KRCC1: variants seen among roughly 807,000 people sequenced by gnomAD.
KRCC1 encodes the protein lysine-rich coiled-coil protein 1.
Under a neutral mutation model 7.4 loss-of-function variants are expected in KRCC1, and 3 were observed. The observed-to-expected ratio is 0.40, with a 90% CI of 0.18 to 1.04. The LOEUF (loss-of-function observed/expected upper bound fraction) is 1.04, where lower values mean the gene tolerates loss of function less well. KRCC1 is among the 50% of genes least tolerant of loss of function. The probability of loss-of-function intolerance (pLI) is 0.33; values close to 1 mark genes in which losing one functional copy is unlikely to be tolerated. For missense variants in KRCC1, 277 were observed against 300.9 expected (o/e 0.92, Z 0.59); for synonymous variants, 102 against 101.6 (o/e 1.00, Z -0.02).
intron 1 of KRCC1, among the ~76,000 whole-genome samples, chr2:88,054,637 T>G (rs1173122456): frequency 6.6e-6 from 1 of 152,158 alleles, no homozygotes; most frequent in Non-Finnish European, 1.5e-5. Context: ...CTGACTCTAC[T>G]TGAGCCCTCT....
At chr2:88,048,811 G>A (rs1294930258) in intron 1 of KRCC1, among the ~76,000 whole-genome samples, 3 of 152,140 alleles carry the variant, frequency 2.0e-5, no homozygotes, top group South Asian at 2.1e-4. Context: ...TAAAGACCAC[G>A]CAGAGCACAG....
chr2:88,028,362 T>C lies in KRCC1; in HGVS notation c.202A>G (p.Ile68Val). The change falls in exon 4 of 4, where the codon ATC becomes GTC. Residue 68 changes from isoleucine (I) to valine (V), a missense_variant. By Grantham distance (29) the Ile-to-Val change is conservative (BLOSUM62 3). Coordinates refer to ENST00000347055, the MANE Select transcript of KRCC1 (RefSeq NM_016618.3). ...MFDQRLPSET[I>V]QTYPRSCNIP... ...TTGCATGATCTTGGGTAGGTCTGGA[T>C]GGTTTCAGATGGGAGTCTCTGGTCA... 6.2e-7 allele frequency: 1 copy of C among 1,614,182 alleles called. No homozygotes were observed. The highest frequency in any genetic ancestry group is 8.5e-7 in the Non-Finnish European group (1 of 1,180,022).
rs1383119986 is a variant in KRCC1 at position 88,027,458 on chromosome 2, A to C, written c.*326T>G. ...CCCAATCAAGAAACAGATTGTGCAA[A>C]GGTCATTAATCCTCCAATTTAAAAT... On this transcript the variant is annotated 3_prime_UTR_variant, in exon 4 of 4. Coordinates refer to ENST00000347055, the MANE Select transcript of KRCC1 (RefSeq NM_016618.3). The C allele has an allele frequency of 3.3e-4, 72 of 218,320 alleles. 1 individual carries two copies. The highest frequency in any genetic ancestry group is 7.2e-5 in the Non-Finnish European group (8 of 111,392). The allele number at this position is 218,320 out of a possible 1,614,324, so 13.5% of individuals were successfully genotyped here. A position where few individuals can be genotyped will look rare whatever the true frequency, so the allele number is the denominator to read the frequency against.
intron 1 of KRCC1, among the ~76,000 whole-genome samples, chr2:88,050,614 G>A (rs575375766): frequency 7.7e-4 from 117 of 152,164 alleles, no homozygotes; most frequent in Middle Eastern, 3.4e-3. Flanking sequence ...CAGAGACTCC[G>A]TCTCAAAAAA....
chr2:88,054,412 G>A (rs1417486903), intron 1 of KRCC1, among the ~76,000 whole-genome samples: 1 of 152,152 alleles, frequency 6.6e-6, no homozygotes, highest in Admixed American at 6.5e-5. Context: ...ATCCTCCTCT[G>A]TTCCTTTGAG....
intron 1 of KRCC1, among the ~76,000 whole-genome samples, chr2:88,052,375 C>T (rs1181120009): frequency 2.0e-5 from 3 of 152,220 alleles, no homozygotes; most frequent in African/African-American, 7.2e-5. Context: ...AGAACACTGA[C>T]TTTGTGTGTA....
At chr2:88,042,148 C>T (rs1210595099) in intron 1 of KRCC1, among the ~76,000 whole-genome samples, 2 of 151,656 alleles carry the variant, frequency 1.3e-5, no homozygotes, top group East Asian at 3.9e-4. Flanking sequence ...GCAAGCTCCG[C>T]CTCCCAGGTT....
intron 3 of KRCC1, among the ~76,000 whole-genome samples, chr2:88,029,120 C>A (rs1002263829): frequency 6.6e-6 from 1 of 152,090 alleles, no homozygotes; most frequent in African/African-American, 2.4e-5. Context: ...AGAAGTGAGA[C>A]GAAGAGGGCA....
intron 1 of KRCC1, among the ~76,000 whole-genome samples, chr2:88,053,858 G>T (rs1371190077): frequency 6.6e-6 from 1 of 152,124 alleles, no homozygotes; most frequent in Non-Finnish European, 1.5e-5. Context: ...GTCTCTCTTG[G>T]AAAAAGGAAT....
At chr2:88,038,966 T>C (rs1465657389) in intron 1 of KRCC1, among the ~76,000 whole-genome samples, 1 of 152,170 alleles carries the variant, frequency 6.6e-6, no homozygotes, top group Admixed American at 6.5e-5. Context: ...GAGCCATCCT[T>C]CATGTATTAG....
intron 2 of KRCC1, among the ~76,000 whole-genome samples, chr2:88,035,358 A>G (rs1284456092): frequency 2.6e-5 from 4 of 152,214 alleles, no homozygotes; most frequent in Non-Finnish European, 5.9e-5. Flanking sequence ...ATTCTGGTCA[A>G]TAAGAAGAAA....
intron 2 of KRCC1, among the ~76,000 whole-genome samples, chr2:88,036,041 G>A (rs1422132630): frequency 1.3e-5 from 2 of 152,044 alleles, no homozygotes; most frequent in African/African-American, 4.8e-5. Flanking sequence ...CTGTAATTAT[G>A]GTACTTTAAT....
rs529626218 is a variant in KRCC1 at position 88,048,987 on chromosome 2, CTATAA to C, written c.-291+6634_-291+6638del. Among the ~76,000 whole-genome samples the C allele has an allele frequency of 5.3e-5, 8 of 152,272 alleles. No homozygotes were observed. In the East Asian group the frequency reaches 1.5e-3, roughly 29 times the overall value. On this transcript the variant is annotated intron_variant, in intron 1 of 3. Transcript: ENST00000347055. The stretch of plus-strand genomic sequence containing the variant: ...CTGTCAACAGCATGAATACTCTTTG[CTATAA>C]TATAATGCTCATTGTTAATCTTGCT...
rs1188127771 is a variant in KRCC1 at position 88,028,162 on chromosome 2, A to G, written c.402T>C (p.His134=). ...CTGAGGAGAAGTGCTTGTAAACTCTATGTTCTACACCATGTGAGCCACAAA... is the reference window on the plus strand; with the variant it reads ...CTGAGGAGAAGTGCTTGTAAACTCTGTGTTCTACACCATGTGAGCCACAAA... ...EYICGSHGVE[H]RVYKHFSSDN... The change falls in exon 4 of 4, where the codon CAT becomes CAC. Residue 134 remains histidine, a synonymous_variant. Transcript: ENST00000347055. 3.1e-6 allele frequency: 5 copies of G among 1,613,976 alleles called. No homozygotes were observed.
rs1672926847 is a variant in KRCC1, at chr2:88,028,539, CAT to C, written c.23_24del (p.Tyr8Ter). ...TCTTCAAGTTCATCTTGAAAAGAGT[CAT>C]ATGTCTTCTTTGAATGCTTCATTAG... MKHSKKTYDSFQDELEDY... is the reference protein window; with the variant it reads MKHSKKTXDSFQDELEDY... On this transcript the variant is annotated frameshift_variant, in exon 4 of 4. Coordinates refer to ENST00000347055, the MANE Select transcript of KRCC1 (RefSeq NM_016618.3). LOFTEE classifies it high-confidence loss of function. 6.2e-7 allele frequency: 1 copy of C among 1,608,556 alleles called. No individual in the cohort carries two copies. The highest frequency in any genetic ancestry group is 1.7e-5 in the Admixed American group (1 of 59,424).
chr2:88,051,496 TATAC>T (rs936976904), intron 1 of KRCC1, among the ~76,000 whole-genome samples: 2 of 152,214 alleles, frequency 1.3e-5, no homozygotes, highest in African/African-American at 4.8e-5. Context: ...AATTAACTCT[TATAC>T]ATACCTAAAA....
At chr2:88,042,402 T>C (rs1176065748) in intron 1 of KRCC1, among the ~76,000 whole-genome samples, 1 of 151,806 alleles carries the variant, frequency 6.6e-6, no homozygotes, top group Non-Finnish European at 1.5e-5. Context: ...GTTTCTTTTC[T>C]TTGACTGCCC....
chr2:88,033,183 A>G (rs945108009), intron 3 of KRCC1, among the ~76,000 whole-genome samples: 2 of 152,144 alleles, frequency 1.3e-5, no homozygotes, highest in Non-Finnish European at 2.9e-5. Context: ...CCTTAAATAC[A>G]TACAGTTTAT....
intron 3 of KRCC1, among the ~76,000 whole-genome samples, chr2:88,033,434 G>A (rs1673032418): frequency 6.6e-6 from 1 of 152,124 alleles, no homozygotes; most frequent in African/African-American, 2.4e-5. Context: ...GCTGAGGCAG[G>A]AGAATTGCTT....
Sources: gnomAD v4.1 joint callset for allele counts (sites outside exome capture counted in the v4.1 genomes callset) on GRCh38, gnomAD v4.1.1 for gene constraint, MANE v1.5 for transcripts, NCBI Gene and HGNC (gene_info 2026-07-23, HGNC 2026-07-21) for gene names.